The following STAM variants were observed in gnomAD, a reference collection of about 807,000 sequenced individuals.
The protein encoded by STAM is signal transducing adapter molecule 1.
Under a neutral mutation model 63.4 loss-of-function variants are expected in STAM, and 16 were observed. The ratio of observed to expected loss-of-function variants is 0.25; its 90% CI spans 0.17 to 0.38. The LOEUF is 0.38. Ranked by LOEUF, STAM falls within the 10% of genes least tolerant of loss-of-function variation. STAM has a pLI of 1.00. For synonymous variants in STAM, 238 were observed against 223.9 expected (o/e 1.06, Z -0.56); for missense variants, 636 against 657.1 (o/e 0.97, Z 0.35).
chr10:17,682,874 G>T (rs1445678646), intron 2 of STAM, among the ~76,000 whole-genome samples: 3 of 151,992 alleles, frequency 2.0e-5, no homozygotes, highest in African/African-American at 7.3e-5. Context: ...GTTTCCTTTC[G>T]GCTGTATCGA....
At chr10:17,706,209 A>G (rs1318631313) in intron 12 of STAM, among the ~76,000 whole-genome samples, 1 of 151,510 alleles carries the variant, frequency 6.6e-6, no homozygotes, top group Non-Finnish European at 1.5e-5. Context: ...CATATAATAT[A>G]CTAATTATGC....
chr10:17,704,426 T>G lies in STAM; in HGVS notation c.913-5T>G. 6.2e-7 allele frequency: 1 copy of G among 1,613,096 alleles called. No homozygotes were observed. Among genetic ancestry groups the G allele is most frequent in the Admixed American group, 1.7e-5 (1 of 59,948 alleles). ...CTTTTTATATTAACTACTTAATTCC[T>G]GTAGGATAAAATGGACCAGTTGCTA... On this transcript the variant is annotated splice_region_variant and splice_polypyrimidine_tract_variant and intron_variant, in intron 9 of 13. Coordinates refer to ENST00000377524, the MANE Select transcript of STAM (RefSeq NM_003473.4).
chr10:17,691,856 C>A (rs531143239), intron 5 of STAM, among the ~76,000 whole-genome samples: 1 of 152,280 alleles, frequency 6.6e-6, no homozygotes, highest in South Asian at 2.1e-4. Flanking sequence ...AATATACATT[C>A]ATAACTTTTC....
chr10:17,660,600 G>C, intron 2 of STAM, 52 bp downstream of exon 2: 1 of 1,449,992 alleles, frequency 6.9e-7, no homozygotes. Flanking sequence ...TAAAAAACAC[G>C]AAAGGCCAGG....
At chr10:17,650,867 C>G (rs543862841) in intron 1 of STAM, among the ~76,000 whole-genome samples, 1 of 152,124 alleles carries the variant, frequency 6.6e-6, no homozygotes, top group African/African-American at 2.4e-5. Context: ...AGATCGAGAC[C>G]ATCCTGGCTA....
intron 2 of STAM, among the ~76,000 whole-genome samples, chr10:17,678,689 A>G (rs747755995): frequency 6.6e-6 from 1 of 152,230 alleles, no homozygotes; most frequent in Non-Finnish European, 1.5e-5. Flanking sequence ...GGTATTTAGT[A>G]CATTCACAGT....
intron 13 of STAM, among the ~76,000 whole-genome samples, chr10:17,713,622 C>T (rs1836661381): frequency 6.6e-6 from 1 of 152,014 alleles, no homozygotes; most frequent in African/African-American, 2.4e-5. Context: ...GCATTCTGGA[C>T]TCTTCTGTTC....
chr10:17,694,137 A>G (rs1835659309), intron 6 of STAM, among the ~76,000 whole-genome samples: 1 of 152,082 alleles, frequency 6.6e-6, no homozygotes, highest in Non-Finnish European at 1.5e-5. Context: ...ACAAGTCTTT[A>G]TTTGAAATAT....
At position 17,696,800 on chromosome 10, in the gene STAM, A is replaced by G; in HGVS notation, c.754A>G (p.Thr252Ala). The change falls in exon 8 of 14, where the codon ACC becomes GCC. Residue 252 changes from threonine to alanine, a missense_variant. Thr to Ala is a moderately conservative substitution (Grantham distance 58). Coordinates refer to ENST00000377524, the MANE Select transcript of STAM (RefSeq NM_003473.4). ...DSDPNWWKGE[T>A]HQGIGLFPSN... Reference sequence around the variant, plus strand: ...TGATCCTAACTGGTGGAAAGGTGAAACCCATCAAGGCATAGGGTTATTTCC... The same window carrying G: ...TGATCCTAACTGGTGGAAAGGTGAAGCCCATCAAGGCATAGGGTTATTTCC... The G allele has an allele frequency of 6.2e-7, 1 of 1,614,022 alleles. No individual in the cohort carries two copies. Among genetic ancestry groups the G allele is most frequent in the Non-Finnish European group, 8.5e-7 (1 of 1,179,878 alleles).
At chr10:17,658,650 A>G (rs1834039574) in intron 1 of STAM, among the ~76,000 whole-genome samples, 1 of 151,748 alleles carries the variant, frequency 6.6e-6, no homozygotes, top group African/African-American at 2.4e-5. Context: ...ATGTTCAGCT[A>G]ATTTTTGTAT....
intron 9 of STAM, 44 bp from the exon 10 acceptor site, chr10:17,704,387 C>T (rs1554828912): frequency 6.5e-7 from 1 of 1,538,236 alleles, no homozygotes; most frequent in South Asian, 1.1e-5. Flanking sequence ...ATAAAGTTGC[C>T]TAAAGGTTGG....
intron 4 of STAM, among the ~76,000 whole-genome samples, chr10:17,686,870 C>T (rs1413896931): frequency 6.6e-6 from 1 of 152,026 alleles, no homozygotes; most frequent in Non-Finnish European, 1.5e-5. Context: ...AAGCTTTAGC[C>T]AATTATTTAG....
intron 2 of STAM, among the ~76,000 whole-genome samples, chr10:17,680,081 T>G (rs1835018836): frequency 1.3e-5 from 2 of 152,194 alleles, no homozygotes; most frequent in Middle Eastern, 3.2e-3. Flanking sequence ...TTTTATTTAT[T>G]GCCTCTCTTT....
At chr10:17,646,759 A>T (rs561868558) in intron 1 of STAM, among the ~76,000 whole-genome samples, 4 of 152,358 alleles carry the variant, frequency 2.6e-5, no homozygotes, top group African/African-American at 9.6e-5. Flanking sequence ...CACAGAGTCC[A>T]GTAGACTCAT....
chr10:17,714,654 G>A lies in STAM; in HGVS notation c.1497G>A (p.Gln499=). 1 of 1,614,124 alleles carries A rather than the reference G, an allele frequency of 6.2e-7. No homozygotes were observed. The highest frequency in any genetic ancestry group is 8.5e-7 in the Non-Finnish European group (1 of 1,180,034). The change falls in exon 14 of 14, where the codon CAG becomes CAA. Residue 499 remains glutamine (Q), a synonymous_variant. Coordinates refer to ENST00000377524, the MANE Select transcript of STAM (RefSeq NM_003473.4). ...CAACTGCCGATGTCACTCTGTACCAGAATGCAGGACCTAATATGCCCCAGG... is the reference window on the plus strand; with the variant it reads ...CAACTGCCGATGTCACTCTGTACCAAAATGCAGGACCTAATATGCCCCAGG... ...AAATADVTLY[Q]NAGPNMPQVP...
At chr10:17,698,953 T>C (rs543231694) in intron 8 of STAM, among the ~76,000 whole-genome samples, 1 of 152,202 alleles carries the variant, frequency 6.6e-6, no homozygotes, top group Non-Finnish European at 1.5e-5. Context: ...GAATCAGCTG[T>C]AGAATTTTGC....
intron 1 of STAM, among the ~76,000 whole-genome samples, chr10:17,646,617 A>C (rs919779643): frequency 6.6e-6 from 1 of 152,218 alleles, no homozygotes; most frequent in Admixed American, 6.5e-5. Context: ...GTTTTGCTCC[A>C]GAAAAGCTTA....
intron 2 of STAM, among the ~76,000 whole-genome samples, chr10:17,665,226 T>C (rs7913958): frequency 0.11 from 16,433 of 152,172 alleles, 968 homozygotes; most frequent in Middle Eastern, 0.16. Flanking sequence ...CATTTTCTGT[T>C]CTTTAAACTC....
chr10:17,657,109 C>G (rs2131575916), intron 1 of STAM, among the ~76,000 whole-genome samples: 1 of 152,152 alleles, frequency 6.6e-6, no homozygotes, highest in East Asian at 1.9e-4. Context: ...CATTTTGTCT[C>G]TTAATGCCCC....
Sources: allele counts gnomAD v4.1 joint callset (sites outside exome capture counted in the v4.1 genomes callset), GRCh38; gene constraint gnomAD v4.1.1; transcripts MANE v1.5; gene names NCBI Gene and HGNC (gene_info 2026-07-23, HGNC 2026-07-21).